The following ABCB1 variants were observed in gnomAD, a reference collection of about 807,000 sequenced individuals.
ABCB1 encodes ATP-dependent translocase ABCB1.
Under a neutral mutation model 142.0 loss-of-function variants are expected in ABCB1, and 69 were observed. The ratio of observed to expected loss-of-function variants is 0.49; its 90% CI spans 0.40 to 0.59. ABCB1 has a LOEUF of 0.59. Ranked by LOEUF, ABCB1 falls within the 20% of genes least tolerant of loss-of-function variation. The pLI is 0.00. For missense variants in ABCB1, 1,326 were observed against 1,554.7 expected (o/e 0.85, Z 2.47); for synonymous variants, 532 against 539.2 (o/e 0.99, Z 0.18).
At chr7:87,574,771 T>A (rs1818205272) in intron 4 of ABCB1, among the ~76,000 whole-genome samples, 1 of 152,178 alleles carries the variant, frequency 6.6e-6, no homozygotes, top group Non-Finnish European at 1.5e-5. Flanking sequence ...GCAATAGAAC[T>A]CCGTAGTAAT....
intron 1 of ABCB1, among the ~76,000 whole-genome samples, chr7:87,702,322 A>T (rs570020695): frequency 6.6e-6 from 1 of 151,648 alleles, no homozygotes. Context: ...TCTGTTGCCC[A>T]GGTTGGAGTA....
At chr7:87,549,103 G>A (rs1375827002) in intron 14 of ABCB1, among the ~76,000 whole-genome samples, 1 of 152,080 alleles carries the variant, frequency 6.6e-6, no homozygotes, top group Non-Finnish European at 1.5e-5. Flanking sequence ...ATTAGCAAGT[G>A]TCTTCAAATG....
Position 87,504,074 on chromosome 7 carries a change from C to T in ABCB1, c.*169G>A. Reference sequence around the variant, plus strand: ...ATGATTTCTCTCCACTTGATGATGTCTCTCACTCTGTTCCTTTAATTACGA... The same window carrying T: ...ATGATTTCTCTCCACTTGATGATGTTTCTCACTCTGTTCCTTTAATTACGA... On this transcript the variant is annotated 3_prime_UTR_variant, in exon 28 of 28. Transcript: ENST00000622132. 1 of 768,992 alleles carries T rather than the reference C, an allele frequency of 1.3e-6. No individual in the cohort carries two copies. Among genetic ancestry groups the T allele is most frequent in the South Asian group, 1.7e-5 (1 of 57,910 alleles). The allele number at this position is 768,992 out of a possible 1,614,324, so 47.6% of individuals were successfully genotyped here. A position where few individuals can be genotyped will look rare whatever the true frequency, so the allele number is the denominator to read the frequency against.
intron 3 of ABCB1, among the ~76,000 whole-genome samples, chr7:87,587,452 C>T (rs1380592401): frequency 6.6e-6 from 1 of 152,194 alleles, no homozygotes; most frequent in African/African-American, 2.4e-5. Context: ...ATATGCAATA[C>T]ATGCTCTGCA....
intron 1 of ABCB1, chr7:87,629,222 C>G: frequency 2.9e-6 from 1 of 343,042 alleles, no homozygotes; most frequent in Non-Finnish European, 5.2e-6. Flanking sequence ...AATGTGCAAT[C>G]TAGCGTCAGA....
At chr7:87,608,457 G>A (rs1016841116) in intron 1 of ABCB1, among the ~76,000 whole-genome samples, 1 of 152,168 alleles carries the variant, frequency 6.6e-6, no homozygotes, top group African/African-American at 2.4e-5. Context: ...TTATTCTGAA[G>A]ATTATTCCTC....
chr7:87,571,837 C>T (rs1370035933), intron 4 of ABCB1, among the ~76,000 whole-genome samples: 3 of 152,156 alleles, frequency 2.0e-5, no homozygotes, highest in Non-Finnish European at 4.4e-5. Flanking sequence ...GAGGCCATAG[C>T]TAAATCCATC....
intron 18 of ABCB1, among the ~76,000 whole-genome samples, chr7:87,540,765 T>C (rs1816501010): frequency 6.6e-6 from 1 of 152,206 alleles, no homozygotes; most frequent in Non-Finnish European, 1.5e-5. Context: ...ACTAAACTTT[T>C]AGAGTACTTA....
At chr7:87,553,735 T>C (rs1485613165) in intron 9 of ABCB1, 26 bp downstream of exon 9, 3 of 1,605,440 alleles carry the variant, frequency 1.9e-6, no homozygotes, top group East Asian at 4.5e-5. Flanking sequence ...ATAATAATGG[T>C]TCATTTCTCA....
At chr7:87,616,464 G>T (rs1820035565) in intron 1 of ABCB1, among the ~76,000 whole-genome samples, 1 of 152,136 alleles carries the variant, frequency 6.6e-6, no homozygotes, top group South Asian at 2.1e-4. Flanking sequence ...ACAATGTTAA[G>T]GTCAAAATCA....
At chr7:87,542,481 A>G (rs1816584987) in intron 17 of ABCB1, among the ~76,000 whole-genome samples, 1 of 152,238 alleles carries the variant, frequency 6.6e-6, no homozygotes, top group South Asian at 2.1e-4. Flanking sequence ...AATCCGATGC[A>G]GAGCCCACTA....
chr7:87,610,425 G>A (rs55873860), intron 1 of ABCB1, among the ~76,000 whole-genome samples: 3 of 106,494 alleles, frequency 2.8e-5, no homozygotes, highest in Admixed American at 1.2e-4. Context: ...TTTTTTTTCA[G>A]AGATAGAGTC....
chr7:87,536,220 T>C (rs1328254058), intron 20 of ABCB1, among the ~76,000 whole-genome samples: 1 of 152,238 alleles, frequency 6.6e-6, no homozygotes, highest in African/African-American at 2.4e-5. Flanking sequence ...TGCATCTTGT[T>C]AATAGCATGA....
In ABCB1 at chr7:87,664,669, G is replaced by T. The variant is rs866639780; in HGVS notation, c.-331+48492C>A. ...ATGGAGATGATAGAGGTGCGTATAT[G>T]AATTTCAAAGTAAATCAATAGAAAT... On this transcript the variant is annotated intron_variant, in intron 1 of 28. Coordinates refer to the ABCB1 transcript ENST00000265724. Among the ~76,000 whole-genome samples, 19 of 152,178 alleles carry T rather than the reference G, an allele frequency of 1.2e-4. No individual in the cohort carries two copies. The South Asian group carries it at 3.9e-3, about 32-fold the overall frequency.
At chr7:87,641,999 T>G (rs1584977849) in intron 1 of ABCB1, among the ~76,000 whole-genome samples, 1 of 151,996 alleles carries the variant, frequency 6.6e-6, no homozygotes, top group African/African-American at 2.4e-5. Context: ...TATCTTAACA[T>G]GATAAGAAAA....
intron 1 of ABCB1, among the ~76,000 whole-genome samples, chr7:87,625,959 TAGAG>T (rs551046904): frequency 3.9e-4 from 58 of 147,050 alleles, no homozygotes; most frequent in South Asian, 6.5e-4. Flanking sequence ...TACGTATGGC[TAGAG>T]AGAGAGGAAT....
intron 1 of ABCB1, among the ~76,000 whole-genome samples, chr7:87,643,684 C>T (rs1822679508): frequency 6.7e-6 from 1 of 148,884 alleles, no homozygotes; most frequent in Non-Finnish European, 1.5e-5. Flanking sequence ...CCATGCTCAG[C>T]TGATTTTTTT....
intron 1 of ABCB1, among the ~76,000 whole-genome samples, chr7:87,613,257 CTTTTTTTTTTTTTT>C (rs67823385): frequency 3.1e-5 from 2 of 64,210 alleles, no homozygotes; most frequent in African/African-American, 1.3e-4. Context: ...TCCTTTATTT[CTTTTTTTTTTTTTT>C]TTTTTTTTTT....
At chr7:87,630,733 C>T (rs1821132921) in intron 1 of ABCB1, among the ~76,000 whole-genome samples, 2 of 150,266 alleles carry the variant, frequency 1.3e-5, no homozygotes, top group Admixed American at 6.6e-5. Context: ...ATCTAACACT[C>T]AAAAAATATT....
Sources: gnomAD v4.1 joint callset for allele counts (sites outside exome capture counted in the v4.1 genomes callset) on GRCh38, gnomAD v4.1.1 for gene constraint, MANE v1.5 for transcripts, NCBI Gene and HGNC (gene_info 2026-07-23, HGNC 2026-07-21) for gene names.